The following GAS6 variants were observed in gnomAD, a reference collection of about 807,000 sequenced individuals.
GAS6 encodes growth arrest-specific protein 6.
A neutral mutation model predicts 75.8 loss-of-function variants in GAS6; 41 were observed. The observed-to-expected ratio is 0.54, with a 90% CI of 0.42 to 0.70. GAS6 has a LOEUF of 0.70. GAS6 is among the 30% of genes least tolerant of loss of function. The probability of loss-of-function intolerance (pLI) is 0.00; values close to 1 mark genes in which losing one functional copy is unlikely to be tolerated. For missense variants in GAS6, 854 were observed against 940.2 expected (o/e 0.91, Z 1.20); for synonymous variants, 432 against 412.6 (o/e 1.05, Z -0.57).
intron 8 of GAS6, 115 bp downstream of exon 8, chr13:113,834,436 T>TC: frequency 8.9e-7 from 1 of 1,122,786 alleles, no homozygotes; most frequent in African/African-American, 1.6e-5. Flanking sequence ...GCCCTGGAGA[T>TC]CCCCAACACC....
At chr13:113,862,269 G>C (rs1010624955) in intron 2 of GAS6, among the ~76,000 whole-genome samples, 2 of 152,146 alleles carry the variant, frequency 1.3e-5, no homozygotes, top group African/African-American at 4.8e-5. Context: ...TGTGGGGTGG[G>C]GGTGACCCTG....
chr13:113,821,415 G>C, intron 14 of GAS6: 1 of 240,832 alleles, frequency 4.2e-6, no homozygotes, highest in Non-Finnish European at 8.2e-6. Context: ...GCCGTTTGCC[G>C]CAAGTGAAAA....
intron 10 of GAS6, among the ~76,000 whole-genome samples, chr13:113,830,830 CCTCAGGCCA>C (rs1435666863): frequency 6.6e-6 from 1 of 152,084 alleles, no homozygotes; most frequent in East Asian, 1.9e-4. Flanking sequence ...GGCGACCTCG[CCTCAGGCCA>C]CCTGCCCTGG....
rs2051994227 is a variant in GAS6, at chr13:113,863,846, C to T, written c.75G>A (p.Ala25=). ...APQLLLLLLA[A]ECALAALLPA... ...CGCGGGACTCACCAAGCGCGCACTC[C>T]GCGGCCAGCAGCAGCAGCAGCAGCT... Residue 25 remains alanine (A), a synonymous_variant, in exon 1 of 15, where the codon GCG becomes GCA. Coordinates refer to ENST00000327773, the MANE Select transcript of GAS6 (RefSeq NM_000820.4). This position sits in a 1 kb window ranked among gnomAD's most constrained non-coding sequence, Gnocchi z 9.4. The T allele has an allele frequency of 1.6e-6, 2 of 1,279,806 alleles. No homozygotes were observed. The highest frequency in any genetic ancestry group is 2.6e-5 in the South Asian group (1 of 38,090). 79.3% of individuals were successfully genotyped at this position (1,279,806 alleles called of 1,614,324 possible). A position where few individuals can be genotyped will look rare whatever the true frequency, so the allele number is the denominator to read the frequency against.
intron 7 of GAS6, 90 bp downstream of exon 7, chr13:113,835,423 G>A (rs368997780): frequency 6.3e-5 from 93 of 1,473,664 alleles, no homozygotes; most frequent in South Asian, 4.6e-4. Context: ...AGAAGCACCC[G>A]GTTGTTAGCA....
Position 113,832,338 on chromosome 13 carries a change from G to T in GAS6, c.1104C>A (p.Thr368=). Residue 368 remains threonine, a synonymous_variant, in exon 10 of 15, where the codon ACC becomes ACA. Transcript: ENST00000327773. ...CATGGTTGATGACCGGGCCGCTGCTGGTGACACGGCCGACACCGTTGTAGC... is the reference window on the plus strand; with the variant it reads ...CATGGTTGATGACCGGGCCGCTGCTTGTGACACGGCCGACACCGTTGTAGC... ...QLRYNGVGRV[T]SSGPVINHGM... 6.2e-7 allele frequency: 1 copy of T among 1,603,856 alleles called. No individual in the cohort carries two copies. Among genetic ancestry groups the T allele is most frequent in the Non-Finnish European group, 8.5e-7 (1 of 1,179,832 alleles).
intron 2 of GAS6, among the ~76,000 whole-genome samples, chr13:113,851,397 A>C (rs2051874113): frequency 6.7e-6 from 1 of 148,530 alleles, no homozygotes; most frequent in Admixed American, 6.7e-5. Context: ...ATGAGTGAGT[A>C]CATGAATGGA....
intron 2 of GAS6, among the ~76,000 whole-genome samples, chr13:113,862,830 CA>C (rs1307584596): frequency 6.6e-6 from 1 of 152,210 alleles, no homozygotes; most frequent in Non-Finnish European, 1.5e-5. Flanking sequence ...ACCCTGACTT[CA>C]GGGCGGGAGG....
intron 13 of GAS6, chr13:113,823,042 C>T (rs149075509): frequency 1.4e-3 from 314 of 230,696 alleles, no homozygotes; most frequent in African/African-American, 6.2e-3. Context: ...GAGTTTGTTG[C>T]TGAAATCATC....
At chr13:113,857,771 G>C (rs1479018194) in intron 2 of GAS6, among the ~76,000 whole-genome samples, 1 of 152,234 alleles carries the variant, frequency 6.6e-6, no homozygotes, top group East Asian at 1.9e-4. Flanking sequence ...TCTTTAATTA[G>C]AGTTTTCCAC....
At chr13:113,853,027 C>T (rs1468324652) in intron 2 of GAS6, among the ~76,000 whole-genome samples, 2 of 152,230 alleles carry the variant, frequency 1.3e-5, no homozygotes, top group Non-Finnish European at 2.9e-5. Context: ...GGGCCCCTGC[C>T]TACCTGCCTG....
chr13:113,846,994 C>A (rs1190625912), intron 3 of GAS6: 1 of 504,856 alleles, frequency 2.0e-6, no homozygotes, highest in Non-Finnish European at 3.9e-6. Context: ...TGGAGAAAGC[C>A]CCTCCATGCT....
At chr13:113,832,217 C>G (rs372473582) in intron 10 of GAS6, 82 bp downstream of exon 10, 37 of 1,448,490 alleles carry the variant, frequency 2.6e-5, no homozygotes, top group South Asian at 2.0e-4. Context: ...CATCTCCTAA[C>G]GGTTGCATAA....
chr13:113,838,927 A>T (rs1295148107), intron 5 of GAS6, among the ~76,000 whole-genome samples: 1 of 152,136 alleles, frequency 6.6e-6, no homozygotes, highest in Non-Finnish European at 1.5e-5. Flanking sequence ...CACCCCACTC[A>T]GCAGCCCTAG....
At chr13:113,827,572 C>A (rs982722493) in intron 11 of GAS6, among the ~76,000 whole-genome samples, 1 of 149,734 alleles carries the variant, frequency 6.7e-6, no homozygotes, top group Non-Finnish European at 1.5e-5. Flanking sequence ...CGGCACCAGG[C>A]TGTCTGTGGG....
chr13:113,827,898 G>C (rs1409354769), intron 11 of GAS6, among the ~76,000 whole-genome samples: 1 of 152,158 alleles, frequency 6.6e-6, no homozygotes, highest in Non-Finnish European at 1.5e-5. Flanking sequence ...CATCATGGCT[G>C]TTTTCCCCTT....
intron 2 of GAS6, among the ~76,000 whole-genome samples, chr13:113,850,210 AC>A (rs754512144): frequency 6.6e-6 from 1 of 151,692 alleles, no homozygotes; most frequent in African/African-American, 2.4e-5. Context: ...AAACCCTCCC[AC>A]CCCTGTCTGC....
At chr13:113,829,763 G>C (rs1431387162) in intron 10 of GAS6, among the ~76,000 whole-genome samples, 2 of 151,096 alleles carry the variant, frequency 1.3e-5, no homozygotes, top group East Asian at 4.0e-4. Context: ...ATCCTCACCT[G>C]GGCCAAGAGG....
chr13:113,834,835 G>T, intron 7 of GAS6, 163 bp from the exon 8 acceptor site: 2 of 654,076 alleles, frequency 3.1e-6, no homozygotes, highest in Non-Finnish European at 4.5e-6. Context: ...CCACTGGAAA[G>T]CTAGGTTGCA....
Sources: allele counts gnomAD v4.1 joint callset (sites outside exome capture counted in the v4.1 genomes callset), GRCh38; gene constraint gnomAD v4.1.1; non-coding constraint Gnocchi (gnomAD v3.1); transcripts MANE v1.5; gene names NCBI Gene and HGNC (gene_info 2026-07-23, HGNC 2026-07-21).